DLX1: variants seen among roughly 807,000 people sequenced by gnomAD.
DLX1 encodes homeobox protein DLX-1.
In DLX1, 7 loss-of-function variants were observed where a neutral mutation model predicts 25.0. The ratio of observed to expected loss-of-function variants is 0.28; its 90% CI spans 0.16 to 0.52. The LOEUF (loss-of-function observed/expected upper bound fraction) is 0.52, where lower values mean the gene tolerates loss of function less well. DLX1 is among the 20% of genes least tolerant of loss of function. The pLI is 0.96. For synonymous variants in DLX1, 155 were observed against 140.3 expected (o/e 1.10, Z -0.74); for missense variants, 233 against 334.4 (o/e 0.70, Z 2.37).
rs767637343 is a variant in DLX1, at chr2:172,085,770, T to G, written c.93T>G (p.Ser31=). The G allele has an allele frequency of 1.9e-6, 3 of 1,614,092 alleles. No homozygotes were observed. In the South Asian group the frequency reaches 3.3e-5, roughly 18 times the overall value. ...MEFGPPNQQM[S]PSPMSHGHYS... ...TTGGGCCGCCCAACCAGCAAATGTC[T>G]CCTTCTCCCATGTCCCACGGGCACT... The change falls in exon 1 of 3, where the codon TCT becomes TCG. Residue 31 remains serine, a synonymous_variant. Transcript: ENST00000361725. This position sits in a 1 kb window ranked among gnomAD's most constrained non-coding sequence, Gnocchi z 4.3.
At chr2:172,087,472 G>A (rs1402827658) in intron 2 of DLX1, 4 of 456,508 alleles carry the variant, frequency 8.8e-6, no homozygotes, top group Non-Finnish European at 1.8e-5. Context: ...AGACACTAGT[G>A]CAAGAATGGT....
Position 172,088,467 on chromosome 2 carries a change from G to T in DLX1, c.*210G>T. 3.7e-6 allele frequency: 2 copies of T among 540,574 alleles called. No individual in the cohort carries two copies. Among genetic ancestry groups the T allele is most frequent in the Non-Finnish European group, 5.6e-6 (2 of 355,472 alleles). 33.5% of individuals were successfully genotyped at this position (540,574 alleles called of 1,614,324 possible). A position where few individuals can be genotyped will look rare whatever the true frequency, so the allele number is the denominator to read the frequency against. On this transcript the variant is annotated 3_prime_UTR_variant, in exon 3 of 3. Transcript: ENST00000361725. ...GAACCCTGGCCTGGGCCGAGCAGTG[G>T]CAGCAGAGAGTGGCCTCGGAGGGAA...
intron 1 of DLX1, 73 bp downstream of exon 1, chr2:172,086,063 G>T: frequency 8.7e-7 from 1 of 1,155,418 alleles, no homozygotes. Flanking sequence ...CGGGGGAGAA[G>T]AGGAGAGGGA....
chr2:172,087,331 AG>A, intron 2 of DLX1: 1 of 370,240 alleles, frequency 2.7e-6, no homozygotes, highest in Non-Finnish European at 5.3e-6. Context: ...CCCAGACCTT[AG>A]AGAAGAAACG....
intron 2 of DLX1, chr2:172,087,470 G>A (rs2105520322): frequency 2.2e-6 from 1 of 456,388 alleles, no homozygotes; most frequent in Admixed American, 2.4e-5. Context: ...ACAGACACTA[G>A]TGCAAGAATG....
At position 172,085,658 on chromosome 2, in the gene DLX1, C is replaced by A. The variant is rs954677303; in HGVS notation, c.-20C>A. 1.2e-6 allele frequency: 2 copies of A among 1,604,274 alleles called. No individual in the cohort carries two copies. Among genetic ancestry groups the A allele is most frequent in the African/African-American group, 1.3e-5 (1 of 74,908 alleles). On this transcript the variant is annotated 5_prime_UTR_variant, in exon 1 of 3. Coordinates refer to ENST00000361725, the MANE Select transcript of DLX1 (RefSeq NM_178120.5). The surrounding 1 kb of genome is among the most constrained non-coding windows in gnomAD (Gnocchi z 4.3). ...GAAGCAGAGGAGAGAAAGTCCCACA[C>A]CCAGACCCCGCGAGAAGAGATGACC...
In DLX1 at chr2:172,085,742, A is replaced by G; in HGVS notation, c.65A>G (p.Glu22Gly). The G allele has an allele frequency of 6.2e-7, 1 of 1,614,016 alleles. No homozygotes were observed. The highest frequency in any genetic ancestry group is 8.5e-7 in the Non-Finnish European group (1 of 1,179,998). Reference sequence around the variant, plus strand: ...GTGTCGGGCAAGGCGGTGTTTATGGAGTTTGGGCCGCCCAACCAGCAAATG... The same window carrying G: ...GTGTCGGGCAAGGCGGTGTTTATGGGGTTTGGGCCGCCCAACCAGCAAATG... ...SPVSGKAVFM[E>G]FGPPNQQMSP... Residue 22 changes from glutamate to glycine, a missense_variant, in exon 1 of 3, where the codon GAG becomes GGG. Glu to Gly is a moderately conservative substitution (Grantham distance 98). This residue lies in a region of DLX1 where 126 missense variants were observed against 170.4 expected (regional missense o/e 0.74). Coordinates refer to ENST00000361725, the MANE Select transcript of DLX1 (RefSeq NM_178120.5). This position sits in a 1 kb window ranked among gnomAD's most constrained non-coding sequence, Gnocchi z 4.3.
intron 1 of DLX1, 30 bp from the exon 2 acceptor site, chr2:172,086,624 C>T: frequency 2.0e-6 from 3 of 1,514,148 alleles, no homozygotes; most frequent in Non-Finnish European, 2.7e-6. Context: ...CTCGTATTAA[C>T]AACGGGCCCT....
At position 172,085,944 on chromosome 2, in the gene DLX1, C is replaced by T. The variant is rs1185515540; in HGVS notation, c.267C>T (p.Ser89=). Residue 89 remains serine (S), a synonymous_variant, in exon 1 of 3, where the codon TCC becomes TCT. Coordinates refer to ENST00000361725, the MANE Select transcript of DLX1 (RefSeq NM_178120.5). This position sits in a 1 kb window ranked among gnomAD's most constrained non-coding sequence, Gnocchi z 4.3. ...ASSPYISSVQ[S]YPGSASLAQS... is the part of the protein sequence containing the mutation. Reference sequence around the variant, plus strand: ...GCCCCTACATCAGTTCGGTGCAGTCCTACCCGGGCAGCGCCAGCCTCGCCC... The same window carrying T: ...GCCCCTACATCAGTTCGGTGCAGTCTTACCCGGGCAGCGCCAGCCTCGCCC... 6.2e-7 allele frequency: 1 copy of T among 1,614,004 alleles called. No individual in the cohort carries two copies.
Position 172,086,915 on chromosome 2 carries a change from G to T in DLX1, c.513+62G>T, listed in dbSNP as rs767763786. 19 of 1,556,000 alleles carry T rather than the reference G, an allele frequency of 1.2e-5. No homozygotes were observed. The East Asian group carries it at 3.4e-4, about 28-fold the overall frequency. On this transcript the variant is annotated intron_variant, in intron 2 of 2. Transcript: ENST00000361725. ...CTTTCCGCGGCCGGCCTGCGCCCGGGTCTTCATTTGTTGCTCGCTGGGACT... is the reference window on the plus strand; with the variant it reads ...CTTTCCGCGGCCGGCCTGCGCCCGGTTCTTCATTTGTTGCTCGCTGGGACT...
chr2:172,087,140 G>T (rs1020240864), intron 2 of DLX1: 30 of 656,518 alleles, frequency 4.6e-5, no homozygotes, highest in Admixed American at 2.1e-4. Context: ...TGGGAACTCA[G>T]AGGTCACACG....
intron 2 of DLX1, 44 bp downstream of exon 2, chr2:172,086,897 C>T: frequency 6.2e-7 from 1 of 1,604,950 alleles, no homozygotes; most frequent in Non-Finnish European, 8.5e-7. Context: ...AGGCTTTCCG[C>T]GGCCGGCCTG....
At position 172,089,521 on chromosome 2, in the gene DLX1, G is replaced by A. The variant is rs1285097429; in HGVS notation, c.*1264G>A. On this transcript the variant is annotated 3_prime_UTR_variant, in exon 3 of 3. Transcript: ENST00000361725. ...ATTTTTCTTGTGAAATTTGGAAAAT[G>A]TGATCAATTGAAATCAACTGTGTTT... The A allele has an allele frequency of 6.6e-6, 1 of 152,624 alleles. No individual in the cohort carries two copies. The highest frequency in any genetic ancestry group is 1.5e-5 in the Non-Finnish European group (1 of 68,034). 9.5% of individuals were successfully genotyped at this position (152,624 alleles called of 1,614,324 possible). A position where few individuals can be genotyped will look rare whatever the true frequency, so the allele number is the denominator to read the frequency against.
intron 1 of DLX1, 188 bp from the exon 2 acceptor site, chr2:172,086,466 T>C: frequency 3.5e-6 from 2 of 571,008 alleles, no homozygotes; most frequent in Non-Finnish European, 3.0e-6. Flanking sequence ...AACGGCTCTA[T>C]CCCTCCTGCA....
At chr2:172,086,556 T>C in intron 1 of DLX1, 98 bp from the exon 2 acceptor site, 1 of 1,211,916 alleles carries the variant, frequency 8.3e-7, no homozygotes, top group Non-Finnish European at 1.2e-6. Flanking sequence ...TCCCTGGTGC[T>C]GCCTCCGCCA....
rs771866816 is a variant in DLX1, at chr2:172,088,270, G to A, written c.*13G>A. On this transcript the variant is annotated 3_prime_UTR_variant, in exon 3 of 3. Transcript: ENST00000361725. ...CCAACTTATGTGAGGTTGCCCGCCC[G>A]TCTCCTTCTTGTCTCCCCGGCCCAG... 9.7e-6 allele frequency: 14 copies of A among 1,448,180 alleles called. No homozygotes were observed. In the South Asian group the frequency reaches 1.9e-4, roughly 20 times the overall value. The allele number at this position is 1,448,180 out of a possible 1,614,324, so 89.7% of individuals were successfully genotyped here. A position where few individuals can be genotyped will look rare whatever the true frequency, so the allele number is the denominator to read the frequency against.
chr2:172,087,410 C>A (rs1453716549), intron 2 of DLX1: 1 of 395,286 alleles, frequency 2.5e-6, no homozygotes, highest in Non-Finnish European at 5.1e-6. Context: ...GCGGCGGGCG[C>A]GGGTTTCCGA....
chr2:172,087,252 T>C, intron 2 of DLX1: 2 of 376,146 alleles, frequency 5.3e-6, no homozygotes, highest in Non-Finnish European at 5.2e-6. Context: ...TCAGCCTCCC[T>C]CCTCCTCCTC....
Position 172,088,554 on chromosome 2 carries a change from C to A in DLX1, c.*297C>A. 1 of 363,888 alleles carries A rather than the reference C, an allele frequency of 2.7e-6. No individual in the cohort carries two copies. Among genetic ancestry groups the A allele is most frequent in the Non-Finnish European group, 4.9e-6 (1 of 203,728 alleles). The allele number at this position is 363,888 out of a possible 1,614,324, so 22.5% of individuals were successfully genotyped here. A position where few individuals can be genotyped will look rare whatever the true frequency, so the allele number is the denominator to read the frequency against. ...AACCCGCTCCACCCGACCCGCCGACCTTCAGCTTTGTGGGACTATCAGGAA... is the reference window on the plus strand; with the variant it reads ...AACCCGCTCCACCCGACCCGCCGACATTCAGCTTTGTGGGACTATCAGGAA... On this transcript the variant is annotated 3_prime_UTR_variant, in exon 3 of 3. Coordinates refer to ENST00000361725, the MANE Select transcript of DLX1 (RefSeq NM_178120.5).
Sources: allele counts gnomAD v4.1 joint callset, GRCh38; gene constraint gnomAD v4.1.1; regional missense constraint gnomAD v4.1.1; non-coding constraint Gnocchi (gnomAD v3.1); transcripts MANE v1.5; gene names NCBI Gene and HGNC (gene_info 2026-07-23, HGNC 2026-07-21).